TTYH3: variants seen among roughly 807,000 people sequenced by gnomAD.
TTYH3 encodes the protein tweety family member 3.
A neutral mutation model predicts 68.2 loss-of-function variants in TTYH3; 23 were observed. The ratio of observed to expected loss-of-function variants is 0.34; its 90% CI spans 0.24 to 0.48. The LOEUF (loss-of-function observed/expected upper bound fraction) is 0.48, where lower values mean the gene tolerates loss of function less well. TTYH3 is among the 20% of genes least tolerant of loss of function. TTYH3 has a pLI of 0.99. For synonymous variants in TTYH3, 360 were observed against 332.8 expected, an observed-to-expected ratio of 1.08 and a Z score of -0.89; for missense variants, 768 against 727.7, an observed-to-expected ratio of 1.06 and a Z score of -0.64.
At chr7:2,659,141 C>T (rs944245024) in intron 13 of TTYH3, 126 bp downstream of exon 13, 4 of 937,130 alleles carry the variant, frequency 4.3e-6, no homozygotes, top group Non-Finnish European at 6.6e-6. Context: ...TGTGAGCTGC[C>T]ACCACCGGGG....
At chr7:2,647,321 C>A in intron 3 of TTYH3, 68 bp downstream of exon 3, 1 of 1,517,656 alleles carries the variant, frequency 6.6e-7, no homozygotes, top group African/African-American at 1.4e-5. Context: ...TGCGCGAGGA[C>A]GGGCGGGGCA....
chr7:2,660,785 A>T (rs1786474415), intron 13 of TTYH3, among the ~76,000 whole-genome samples: 1 of 151,982 alleles, frequency 6.6e-6, no homozygotes, highest in Non-Finnish European at 1.5e-5. Context: ...CCCTCCTGGG[A>T]TGGGAGCCAG....
intron 5 of TTYH3, among the ~76,000 whole-genome samples, 160 bp from the exon 6 acceptor site, chr7:2,649,407 G>T (rs1034158989): frequency 6.6e-6 from 1 of 152,156 alleles, no homozygotes; most frequent in Non-Finnish European, 1.5e-5. Context: ...GCCCTGGGCT[G>T]TGGGCAGCTC....
intron 1 of TTYH3, among the ~76,000 whole-genome samples, chr7:2,643,719 C>G (rs953829784): frequency 6.6e-6 from 1 of 152,222 alleles, no homozygotes; most frequent in Non-Finnish European, 1.5e-5. Context: ...TCTGGCGCCG[C>G]TGAGGAAGTG....
At chr7:2,647,864 G>T in intron 4 of TTYH3, 95 bp from the exon 5 acceptor site, 1 of 1,428,704 alleles carries the variant, frequency 7.0e-7, no homozygotes, top group East Asian at 2.3e-5. Context: ...TGGGGTGCCA[G>T]GCTGCTGGCC....
intron 1 of TTYH3, among the ~76,000 whole-genome samples, chr7:2,640,629 G>A (rs919364467): frequency 3.3e-5 from 5 of 152,236 alleles, no homozygotes; most frequent in African/African-American, 9.6e-5. Flanking sequence ...GCCTGTGCTG[G>A]CGCTGAGCCT....
intron 13 of TTYH3, 115 bp from the exon 14 acceptor site, chr7:2,661,553 C>A: frequency 1.9e-6 from 2 of 1,040,032 alleles, no homozygotes; most frequent in Non-Finnish European, 2.9e-6. Context: ...CCTGTACTGT[C>A]CCATTCTGCC....
intron 8 of TTYH3, 92 bp downstream of exon 8, chr7:2,652,334 C>G (rs1427099253): frequency 7.0e-6 from 8 of 1,148,732 alleles, no homozygotes; most frequent in Middle Eastern, 2.7e-4. Context: ...CGCCTGGCTC[C>G]TCAGCCTGCA....
intron 7 of TTYH3, 64 bp downstream of exon 7, chr7:2,650,052 G>T (rs964295218): frequency 6.3e-6 from 10 of 1,576,926 alleles, no homozygotes; most frequent in African/African-American, 2.7e-5. Context: ...CCAAAAGAGT[G>T]GGGTAGCTGA....
intron 4 of TTYH3, 36 bp downstream of exon 4, chr7:2,647,674 G>A (rs1256933073): frequency 6.5e-7 from 1 of 1,532,822 alleles, no homozygotes; most frequent in Non-Finnish European, 8.8e-7. Flanking sequence ...CGCCCCACGT[G>A]GGAAAGCATC....
chr7:2,632,149 C>A lies in TTYH3; in HGVS notation c.-7C>A. On this transcript the variant is annotated 5_prime_UTR_variant, in exon 1 of 14. Coordinates refer to ENST00000258796, the MANE Select transcript of TTYH3 (RefSeq NM_025250.3). ...CCGCGCGCATCCGGAGGCGGCCGGG[C>A]CCCGCCATGGCCGGGGTCAGCTACG... The A allele has an allele frequency of 7.0e-7, 1 of 1,427,914 alleles. No homozygotes were observed. Among genetic ancestry groups the A allele is most frequent in the East Asian group, 3.0e-5 (1 of 33,672 alleles). The allele number at this position is 1,427,914 out of a possible 1,614,324, so 88.5% of individuals were successfully genotyped here.
At position 2,662,871 on chromosome 7, in the gene TTYH3, G is replaced by C. The variant is rs1229461590; in HGVS notation, c.*1132G>C. ...TAGCGTTTCTTCATGGGGTGCTCCAGGGGGTGCCACAGACCGACAGGCAGC... is the reference window on the plus strand; with the variant it reads ...TAGCGTTTCTTCATGGGGTGCTCCACGGGGTGCCACAGACCGACAGGCAGC... On this transcript the variant is annotated 3_prime_UTR_variant, in exon 14 of 14. Coordinates refer to ENST00000258796, the MANE Select transcript of TTYH3 (RefSeq NM_025250.3). The C allele has an allele frequency of 6.6e-6, 1 of 152,498 alleles. No individual in the cohort carries two copies. The highest frequency in any genetic ancestry group is 1.5e-5 in the Non-Finnish European group (1 of 68,120). 9.4% of individuals were successfully genotyped at this position (152,498 alleles called of 1,614,324 possible).
intron 1 of TTYH3, among the ~76,000 whole-genome samples, chr7:2,633,935 C>A (rs566725033): frequency 6.6e-6 from 1 of 152,324 alleles, no homozygotes; most frequent in South Asian, 2.1e-4. Flanking sequence ...CCCACAAGAG[C>A]CTCCGGGCAG....
chr7:2,647,724 A>G (rs998899710), intron 4 of TTYH3, 86 bp downstream of exon 4: 4 of 1,365,228 alleles, frequency 2.9e-6, no homozygotes, highest in African/African-American at 1.4e-5. Flanking sequence ...CACCTAGTAC[A>G]TGAGGCCTGA....
intron 4 of TTYH3, 152 bp from the exon 5 acceptor site, chr7:2,647,807 C>G (rs1015888618): frequency 2.8e-6 from 3 of 1,084,636 alleles, no homozygotes; most frequent in African/African-American, 3.1e-5. Flanking sequence ...GAGCCTTTCT[C>G]AAGAACTGAC....
intron 1 of TTYH3, among the ~76,000 whole-genome samples, chr7:2,637,442 G>A (rs1583554697): frequency 6.6e-6 from 1 of 152,150 alleles, no homozygotes; most frequent in Admixed American, 6.5e-5. Context: ...AACGGGGGCC[G>A]GCCAGCATGG....
At chr7:2,641,847 G>A (rs749284532) in intron 1 of TTYH3, among the ~76,000 whole-genome samples, 3 of 152,236 alleles carry the variant, frequency 2.0e-5, no homozygotes, top group Admixed American at 6.5e-5. Context: ...GTTGGGTGCC[G>A]GGGCTCTGAC....
intron 1 of TTYH3, among the ~76,000 whole-genome samples, chr7:2,636,294 G>A (rs942013037): frequency 6.6e-6 from 1 of 152,212 alleles, no homozygotes; most frequent in Non-Finnish European, 1.5e-5. Flanking sequence ...GTCGCCTGTC[G>A]CCTGTCTTGT....
intron 1 of TTYH3, 63 bp downstream of exon 1, chr7:2,632,341 A>T: frequency 7.0e-7 from 1 of 1,418,676 alleles, no homozygotes; most frequent in Non-Finnish European, 9.4e-7. Flanking sequence ...CTCCTCTCCC[A>T]GGGTCACGGC....
Sources: allele counts gnomAD v4.1 joint callset (sites outside exome capture counted in the v4.1 genomes callset), GRCh38; gene constraint gnomAD v4.1.1; transcripts MANE v1.5; gene names NCBI Gene and HGNC (gene_info 2026-07-23, HGNC 2026-07-21).